Variants in PCSK4 observed in about 807,000 individuals in gnomAD.
The protein encoded by PCSK4 is testicular tissue protein Li 135.
A neutral mutation model predicts 80.3 loss-of-function variants in PCSK4; 64 were observed. The ratio of observed to expected loss-of-function variants is 0.80; its 90% CI spans 0.65 to 0.98. The LOEUF (loss-of-function observed/expected upper bound fraction) is 0.98. Ranked by LOEUF, PCSK4 falls within the 50% of genes least tolerant of loss-of-function variation. The probability of loss-of-function intolerance (pLI) is 0.00; values close to 1 mark genes in which losing one functional copy is unlikely to be tolerated. For missense variants in PCSK4, 1,213 were observed against 1,093.6 expected (o/e 1.11, Z -1.54); for synonymous variants, 561 against 487.6 (o/e 1.15, Z -1.98).
At chr19:1,489,881 T>G in exon 2 of PCSK4, 1 of 1,609,502 alleles carries the variant, frequency 6.2e-7, no homozygotes, top group Non-Finnish European at 8.5e-7. Context: ...GTGAAAGTAC[T>G]GCCCGTCAGG....
Position 1,490,352 on chromosome 19 carries a change from C to A in PCSK4, c.-6G>T, listed in dbSNP as rs768795749. The A allele has an allele frequency of 1.8e-6, 2 of 1,131,986 alleles. No homozygotes were observed. The highest frequency in any genetic ancestry group is 3.1e-5 in the South Asian group (2 of 64,876). The allele number at this position is 1,131,986 out of a possible 1,614,324, so 70.1% of individuals were successfully genotyped here. A position where few individuals can be genotyped will look rare whatever the true frequency, so the allele number is the denominator to read the frequency against. ...GCAATCGGGGCGGGCCGCATGGAGG[C>A]GGGGCGGGAGCGGGGCCTGCGCAAA... On this transcript the variant is annotated 5_prime_UTR_variant, in exon 1 of 15. Coordinates refer to ENST00000300954, the Ensembl canonical transcript of PCSK4.
At chr19:1,484,894 C>T (rs2084525033) in intron 8 of PCSK4, among the ~76,000 whole-genome samples, 1 of 152,174 alleles carries the variant, frequency 6.6e-6, no homozygotes, top group Admixed American at 6.6e-5. Context: ...CCTGTAGTCC[C>T]AACACTTTGG....
chr19:1,481,645 C>A (rs1211601799), exon 15 of PCSK4: 1 of 645,244 alleles, frequency 1.5e-6, no homozygotes, highest in African/African-American at 1.8e-5. Flanking sequence ...CCCTGGCAGG[C>A]CAGGCGTCGG....
At chr19:1,489,454 C>T (rs1199588080) in intron 2 of PCSK4, 4 of 278,338 alleles carry the variant, frequency 1.4e-5, no homozygotes, top group African/African-American at 8.8e-5. Flanking sequence ...CTCTTTGGAA[C>T]CCATTACGGT....
intron 11 of PCSK4, 83 bp from the exon 12 acceptor site, chr19:1,483,546 G>A: frequency 2.1e-6 from 3 of 1,410,702 alleles, no homozygotes; most frequent in Non-Finnish European, 2.9e-6. Flanking sequence ...GGGGCTCAGA[G>A]GTCACGGGGT....
At chr19:1,488,351 G>A in intron 2 of PCSK4, 71 bp from the exon 3 acceptor site, 1 of 1,176,146 alleles carries the variant, frequency 8.5e-7, no homozygotes, top group Non-Finnish European at 1.2e-6. Flanking sequence ...CAGGGAGTGA[G>A]GCAGCCCCGT....
At chr19:1,486,813 G>C (rs1232372933) in intron 8 of PCSK4, 40 bp downstream of exon 8, 1 of 1,513,518 alleles carries the variant, frequency 6.6e-7, no homozygotes, top group Non-Finnish European at 9.0e-7. Context: ...TGGGATGGCA[G>C]GGCCTGGGGA....
intron 6 of PCSK4, 115 bp downstream of exon 6, chr19:1,487,488 T>A: frequency 9.5e-7 from 1 of 1,053,228 alleles, no homozygotes; most frequent in South Asian, 1.4e-5. Flanking sequence ...TCTGGGGCCC[T>A]AGCACCACCC....
At chr19:1,487,396 C>T in intron 6 of PCSK4, 83 bp from the exon 7 acceptor site, 2 of 1,182,312 alleles carry the variant, frequency 1.7e-6, no homozygotes, top group East Asian at 2.5e-5. Context: ...CTCCACACCA[C>T]TCCCCAGCCC....
chr19:1,490,273 C>A, exon 1 of PCSK4: 1 of 1,602,486 alleles, frequency 6.2e-7, no homozygotes, highest in East Asian at 2.3e-5. Context: ...CGGGGCCCAC[C>A]CCACAGCCCG....
At chr19:1,488,493 C>T (rs1050937615) in intron 2 of PCSK4, among the ~76,000 whole-genome samples, 5 of 151,936 alleles carry the variant, frequency 3.3e-5, no homozygotes, top group African/African-American at 1.2e-4. Flanking sequence ...GTTGCTGCCG[C>T]GGGTGACTGC....
At position 1,482,336 on chromosome 19, in the gene PCSK4, GC is replaced by G; in HGVS notation, c.1819+16del. The G allele has an allele frequency of 6.5e-7, 1 of 1,537,008 alleles. No homozygotes were observed. On this transcript the variant is annotated intron_variant, in intron 14 of 14. Coordinates refer to ENST00000300954, the Ensembl canonical transcript of PCSK4. Reference sequence around the variant, plus strand: ...CCACCGCCTCCCAGCAGTGGGCCCTGCCCCGCCGGCACTCACCCTGGCACAG... The same window carrying G: ...CCACCGCCTCCCAGCAGTGGGCCCTGCCCGCCGGCACTCACCCTGGCACAG...
At chr19:1,483,451 C>A (rs895419695) in exon 12 of PCSK4, 5 of 1,560,900 alleles carry the variant, frequency 3.2e-6, no homozygotes, top group Non-Finnish European at 4.3e-6. Flanking sequence ...TGTAGATCAG[C>A]GGCAGGATGG....
intron 8 of PCSK4, among the ~76,000 whole-genome samples, chr19:1,485,783 A>AT (rs2084572654): frequency 2.0e-5 from 3 of 151,814 alleles, no homozygotes; most frequent in Middle Eastern, 3.4e-3. Context: ...AGGAAGGAGA[A>AT]TGGTGTGAAC....
chr19:1,483,797 C>A (rs541596245), intron 10 of PCSK4, 30 bp from the exon 11 acceptor site: 3 of 1,525,270 alleles, frequency 2.0e-6, no homozygotes, highest in African/African-American at 2.8e-5. Context: ...TCACTCGCCC[C>A]GTGGGCCCCG....
At position 1,482,971 on chromosome 19, in the gene PCSK4, TG is replaced by T. The variant is rs2084383988; in HGVS notation, c.1620del (p.Thr541ProfsTer16). On this transcript the variant is annotated frameshift_variant, in exon 13 of 15. Coordinates refer to ENST00000300954, the Ensembl canonical transcript of PCSK4. LOFTEE classifies it high-confidence loss of function. ...TGTGGGTTCTCATCCCAGAAGTGGG[TG>T]GACATGAAGACCCAGTTGTTGTAGC... 1 of 1,574,508 alleles carries T rather than the reference TG, an allele frequency of 6.4e-7. No homozygotes were observed. Among genetic ancestry groups the T allele is most frequent in the Admixed American group, 1.7e-5 (1 of 57,312 alleles).
exon 1 of PCSK4, chr19:1,490,308 G>A (rs1469462916): frequency 6.6e-7 from 1 of 1,516,368 alleles, no homozygotes; most frequent in South Asian, 1.2e-5. Flanking sequence ...CCAGGGCCAA[G>A]ACCAGGCGCA....
At chr19:1,485,134 TGA>T (rs1013335195) in intron 8 of PCSK4, among the ~76,000 whole-genome samples, 1 of 148,682 alleles carries the variant, frequency 6.7e-6, no homozygotes. Flanking sequence ...GGTGACAGAG[TGA>T]GACTCTGTCT....
rs778381756 is a variant in PCSK4, at chr19:1,483,905, C to T, written c.1206G>A (p.Val402=). The stretch of plus-strand genomic sequence containing the variant: ...GGTGCGCCGGCTTGGACGCGCGGAC[C>T]ACCAGGTGCTGCATGTCTCTCCACG... The change falls in exon 10 of 15, where the codon GTG becomes GTA. Residue 402 remains valine (V), a synonymous_variant. Transcript: ENST00000300954. 1.2e-4 allele frequency: 181 copies of T among 1,488,182 alleles called. 2 individuals carry two copies. Among genetic ancestry groups the T allele is most frequent in the Middle Eastern group, 4.6e-4 (2 of 4,378 alleles). 92.2% of individuals were successfully genotyped at this position (1,488,182 alleles called of 1,614,324 possible).
Sources: allele counts gnomAD v4.1 joint callset (sites outside exome capture counted in the v4.1 genomes callset), GRCh38; gene constraint gnomAD v4.1.1; transcripts MANE v1.5; gene names NCBI Gene and HGNC (gene_info 2026-07-23, HGNC 2026-07-21).